The following NAALADL2 variants were observed in gnomAD, a reference collection of about 807,000 sequenced individuals.
NAALADL2 encodes the protein inactive N-acetylated-alpha-linked acidic dipeptidase-like protein 2.
Under a neutral mutation model 87.2 loss-of-function variants are expected in NAALADL2, and 76 were observed. The ratio of observed to expected loss-of-function variants is 0.87; its 90% CI spans 0.72 to 1.05. NAALADL2 has a LOEUF of 1.05. NAALADL2 is among the 50% of genes least tolerant of loss of function. NAALADL2 has a pLI of 0.00. For missense variants in NAALADL2, 1,089 were observed against 945.8 expected, an observed-to-expected ratio of 1.15 and a Z score of -1.99; for synonymous variants, 354 against 331.0, an observed-to-expected ratio of 1.07 and a Z score of -0.75.
intron 1 of NAALADL2, among the ~76,000 whole-genome samples, chr3:175,001,689 A>G (rs765046733): frequency 6.6e-6 from 1 of 152,062 alleles, no homozygotes; most frequent in Non-Finnish European, 1.5e-5. Flanking sequence ...TTCTGTGCCT[A>G]TTATTCTGCA....
At chr3:175,527,948 G>A (rs938331679) in intron 9 of NAALADL2, among the ~76,000 whole-genome samples, 52 of 152,236 alleles carry the variant, frequency 3.4e-4, no homozygotes, top group African/African-American at 1.1e-3. Context: ...CCTAGGGGTT[G>A]AAGGTCCACA....
chr3:175,573,924 G>T (rs566110441), intron 9 of NAALADL2, among the ~76,000 whole-genome samples: 12 of 152,226 alleles, frequency 7.9e-5, no homozygotes, highest in African/African-American at 2.4e-4. Context: ...AGCCAAAATA[G>T]TTGTAAACAC....
At chr3:174,870,356 C>A (rs73041802) in intron 1 of NAALADL2, among the ~76,000 whole-genome samples, 3,210 of 152,120 alleles carry the variant, frequency 0.021, 100 homozygotes, top group African/African-American at 0.073. Flanking sequence ...ATGGTATATT[C>A]TGTGTAACAT....
At chr3:175,635,566 A>T (rs999273335) in intron 11 of NAALADL2, among the ~76,000 whole-genome samples, 2 of 152,122 alleles carry the variant, frequency 1.3e-5, no homozygotes, top group African/African-American at 4.8e-5. Context: ...AACTATTTTA[A>T]TATGTTTTCA....
intron 3 of NAALADL2, among the ~76,000 whole-genome samples, chr3:174,852,304 T>C (rs9826118): frequency 0.2 from 30,549 of 152,012 alleles, 3,291 homozygotes; most frequent in East Asian, 0.44. Context: ...GTTATAGCCT[T>C]ATATTTAGAA....
intron 1 of NAALADL2, among the ~76,000 whole-genome samples, chr3:175,032,489 A>T (rs966066719): frequency 6.6e-6 from 1 of 152,046 alleles, no homozygotes; most frequent in Non-Finnish European, 1.5e-5. Context: ...TCATTTCCAC[A>T]TTAAAGTGTC....
intron 5 of NAALADL2, among the ~76,000 whole-genome samples, chr3:175,407,119 G>A (rs1188963514): frequency 6.6e-6 from 1 of 152,122 alleles, no homozygotes; most frequent in Non-Finnish European, 1.5e-5. Context: ...AGGAGGCAGA[G>A]GTTGCAGTGA....
intron 2 of NAALADL2, among the ~76,000 whole-genome samples, chr3:175,138,410 C>T (rs766288727): frequency 1.2e-4 from 19 of 152,012 alleles, no homozygotes; most frequent in Non-Finnish European, 1.8e-4. Flanking sequence ...TTTAGATTAA[C>T]ATCTTCTAGT....
At chr3:175,288,897 T>C (rs1309975164) in intron 4 of NAALADL2, among the ~76,000 whole-genome samples, 3 of 152,140 alleles carry the variant, frequency 2.0e-5, no homozygotes, top group Non-Finnish European at 2.9e-5. Flanking sequence ...TTCTACTATT[T>C]CATTTTGGTA....
intron 9 of NAALADL2, among the ~76,000 whole-genome samples, chr3:175,503,658 T>C (rs1228514390): frequency 6.6e-6 from 1 of 152,168 alleles, no homozygotes; most frequent in East Asian, 1.9e-4. Context: ...ATTGTGGTTT[T>C]GGTTTGTATT....
At position 175,086,416 on chromosome 3, in the gene NAALADL2, CA is replaced by C. The variant is rs370401749; in HGVS notation, c.44-10365del. Among the ~76,000 whole-genome samples the C allele has an allele frequency of 5.5e-3, 812 of 146,760 alleles. 6 individuals carry two copies. The highest frequency in any genetic ancestry group is 9.7e-3 in the Non-Finnish European group (644 of 66,300). ...AAAAATAGAGGGAGCATTACAGAAA[CA>C]AAAAAAAAGAAACGGGAAAAGAAGC... On this transcript the variant is annotated intron_variant, in intron 1 of 13. Coordinates refer to ENST00000454872, the MANE Select transcript of NAALADL2 (RefSeq NM_207015.3).
At chr3:175,312,547 G>C (rs898410302) in intron 4 of NAALADL2, among the ~76,000 whole-genome samples, 3 of 151,754 alleles carry the variant, frequency 2.0e-5, no homozygotes, top group Non-Finnish European at 2.9e-5. Flanking sequence ...CATTTGATGT[G>C]TTTTATAAAT....
chr3:175,644,884 A>G (rs1021606621), intron 11 of NAALADL2, among the ~76,000 whole-genome samples: 1 of 152,156 alleles, frequency 6.6e-6, no homozygotes, highest in Non-Finnish European at 1.5e-5. Context: ...AGTGATTGCA[A>G]TAGCAAACAA....
intron 1 of NAALADL2, among the ~76,000 whole-genome samples, chr3:174,499,312 C>T (rs1313521428): frequency 6.6e-6 from 1 of 152,034 alleles, no homozygotes; most frequent in Admixed American, 6.5e-5. Flanking sequence ...GTTCCTCCTA[C>T]ATTTTGGATA....
rs191791954 is a variant in NAALADL2 at position 175,206,158 on chromosome 3, G to A, written c.546-27773G>A. ...AGATACTTGCACATGCATGCTTATA[G>A]CAGCACAATTCACAATTGAAAAATC... On this transcript the variant is annotated intron_variant, in intron 2 of 13. Transcript: ENST00000454872. Among the ~76,000 whole-genome samples, 13 of 150,308 alleles carry A rather than the reference G, an allele frequency of 8.6e-5. No individual in the cohort carries two copies. The East Asian group carries it at 2.6e-3, about 30-fold the overall frequency.
intron 2 of NAALADL2, among the ~76,000 whole-genome samples, chr3:174,621,257 T>C (rs946651081): frequency 3.9e-5 from 6 of 152,066 alleles, no homozygotes; most frequent in African/African-American, 1.4e-4. Flanking sequence ...AAAAGATGAT[T>C]ATGTGATGCT....
chr3:175,527,142 T>A (rs565492825), intron 9 of NAALADL2, among the ~76,000 whole-genome samples: 1 of 152,202 alleles, frequency 6.6e-6, no homozygotes, highest in South Asian at 2.1e-4. Context: ...CCACAACCAA[T>A]CTAGGTGGGA....
intron 2 of NAALADL2, among the ~76,000 whole-genome samples, chr3:175,164,363 T>C (rs1163491612): frequency 2.0e-5 from 3 of 151,944 alleles, no homozygotes; most frequent in East Asian, 1.9e-4. Flanking sequence ...CATCTTCTTA[T>C]CACATATTAT....
intron 11 of NAALADL2, among the ~76,000 whole-genome samples, chr3:175,702,373 C>T (rs1201068657): frequency 6.6e-6 from 1 of 151,876 alleles, no homozygotes; most frequent in African/African-American, 2.4e-5. Flanking sequence ...GTAAGTTCTC[C>T]TAAAAATGAT....
Sources: gnomAD v4.1 joint callset for allele counts (sites outside exome capture counted in the v4.1 genomes callset) on GRCh38, gnomAD v4.1.1 for gene constraint, MANE v1.5 for transcripts, NCBI Gene and HGNC (gene_info 2026-07-23, HGNC 2026-07-21) for gene names.